KANSL3: variants seen among roughly 807,000 people sequenced by gnomAD.
The protein encoded by KANSL3 is NSL complex protein NSL3.
A neutral mutation model predicts 89.2 loss-of-function variants in KANSL3; 16 were observed. The observed-to-expected ratio is 0.18, with a 90% CI of 0.12 to 0.27. The LOEUF (loss-of-function observed/expected upper bound fraction) is 0.27, where lower values mean the gene tolerates loss of function less well. Ranked by LOEUF, KANSL3 falls within the 10% of genes least tolerant of loss-of-function variation. The probability of loss-of-function intolerance (pLI) is 1.00; values close to 1 mark genes in which losing one functional copy is unlikely to be tolerated. For synonymous variants in KANSL3, 385 were observed against 419.7 expected, an observed-to-expected ratio of 0.92 and a Z score of 1.01; for missense variants, 879 against 1,110.6, an observed-to-expected ratio of 0.79 and a Z score of 2.96.
intron 3 of KANSL3, chr2:96,627,806 G>T: frequency 1.3e-6 from 1 of 779,334 alleles, no homozygotes; most frequent in Non-Finnish European, 1.9e-6. Flanking sequence ...AGAAGGAACT[G>T]CAAGCTCCAA....
intron 1 of KANSL3, 144 bp from the exon 2 acceptor site, chr2:96,637,329 G>A (rs971236996): frequency 1.4e-5 from 7 of 494,910 alleles, no homozygotes; most frequent in Non-Finnish European, 2.1e-5. Context: ...GGGACGGTTC[G>A]TGGAATCCCA....
chr2:96,595,471 A>C lies in KANSL3; in HGVS notation c.*140T>G. ...CTAACCTAATGGTTTCTCTGAAGACAGTTGGCGGAGAGGCAAAAATGACTG... is the reference window on the plus strand; with the variant it reads ...CTAACCTAATGGTTTCTCTGAAGACCGTTGGCGGAGAGGCAAAAATGACTG... On this transcript the variant is annotated 3_prime_UTR_variant, in exon 21 of 21. Transcript: ENST00000431828. The C allele has an allele frequency of 1.4e-6, 1 of 739,416 alleles. No homozygotes were observed. Among genetic ancestry groups the C allele is most frequent in the South Asian group, 1.9e-5 (1 of 51,906 alleles). 45.8% of individuals were successfully genotyped at this position (739,416 alleles called of 1,614,324 possible).
At chr2:96,591,018 A>C (rs965769149), downstream of KANSL3, among the ~76,000 whole-genome samples, 1 of 151,638 alleles carries the variant, frequency 6.6e-6, no homozygotes, top group African/African-American at 2.4e-5. Context: ...AAAACAAAAC[A>C]AAACAAAACC....
At chr2:96,621,583 G>T (rs899351101) in intron 3 of KANSL3, among the ~76,000 whole-genome samples, 2 of 151,754 alleles carry the variant, frequency 1.3e-5, no homozygotes, top group Non-Finnish European at 2.9e-5. Flanking sequence ...AGATACTTGG[G>T]AGGCTGAGGC....
chr2:96,593,169 ATGT>A (rs1179816919), exon 21 of KANSL3: 9 of 444,412 alleles, frequency 2.0e-5, no homozygotes, highest in Non-Finnish European at 3.6e-5. Context: ...AGCAATCCAA[ATGT>A]TGTTTTTGGT....
chr2:96,620,380 T>A, intron 3 of KANSL3, among the ~76,000 whole-genome samples: 1 of 152,230 alleles, frequency 6.6e-6, no homozygotes, highest in East Asian at 1.9e-4. Context: ...CAAATTTATT[T>A]TTGAGAGGCC....
chr2:96,597,269 T>C (rs527266982), intron 20 of KANSL3, among the ~76,000 whole-genome samples: 1 of 152,296 alleles, frequency 6.6e-6, no homozygotes, highest in East Asian at 1.9e-4. Context: ...AAAAAATGGG[T>C]AGTTTGTTTC....
chr2:96,586,187 T>C, the KANSL3 span, among the ~76,000 whole-genome samples: 1 of 147,790 alleles, frequency 6.8e-6, no homozygotes, highest in Non-Finnish European at 1.5e-5. Context: ...ATCGTGCCAC[T>C]GCACTCTAGC....
At position 96,608,933 on chromosome 2, in the gene KANSL3, T is replaced by A; in HGVS notation, c.1515A>T (p.Glu505Asp). The A allele has an allele frequency of 6.4e-7, 1 of 1,569,824 alleles. No homozygotes were observed. Among genetic ancestry groups the A allele is most frequent in the South Asian group, 1.2e-5 (1 of 85,446 alleles). Residue 505 changes from glutamate (E) to aspartate (D), a missense_variant, in exon 13 of 21, where the codon GAA becomes GAT. Glu to Asp is a conservative substitution (Grantham distance 45, BLOSUM62 2). Transcript: ENST00000431828. ...CAGGTCGACTGCCCCGCTCAGGGAC[T>A]TCAAAGGCCAAGTCTCTGCGGGCCA... ...RDVARRDLAF[E>D]VPERGSRPAS...
intron 16 of KANSL3, among the ~76,000 whole-genome samples, 167 bp from the exon 17 acceptor site, chr2:96,604,547 A>C (rs2067682804): frequency 6.6e-6 from 1 of 152,228 alleles, no homozygotes; most frequent in Non-Finnish European, 1.5e-5. Flanking sequence ...CTAGTCTTCT[A>C]AAAGTCCTTA....
chr2:96,619,631 A>G, intron 4 of KANSL3, 41 bp downstream of exon 4: 1 of 1,595,982 alleles, frequency 6.3e-7, no homozygotes, highest in Non-Finnish European at 8.5e-7. Context: ...TGAGGCCTGA[A>G]CTACGAAGAG....
chr2:96,630,570 G>C (rs1389144746), intron 3 of KANSL3, among the ~76,000 whole-genome samples: 1 of 152,182 alleles, frequency 6.6e-6, no homozygotes, highest in Non-Finnish European at 1.5e-5. Flanking sequence ...TTTCTTTTTA[G>C]GATGATGAAA....
chr2:96,613,757 C>T, intron 5 of KANSL3, 138 bp from the exon 6 acceptor site: 5 of 659,528 alleles, frequency 7.6e-6, no homozygotes, highest in Non-Finnish European at 1.0e-5. Flanking sequence ...TCCTAAGGAT[C>T]AAGAATATAT....
At chr2:96,580,574 G>A in the KANSL3 span, among the ~76,000 whole-genome samples, 1 of 152,172 alleles carries the variant, frequency 6.6e-6, no homozygotes, top group African/African-American at 2.4e-5. Context: ...GGTTGTCCTG[G>A]AGCAGAAGGA....
chr2:96,592,462 C>A (rs562229428), downstream of KANSL3, among the ~76,000 whole-genome samples: 1 of 152,290 alleles, frequency 6.6e-6, no homozygotes, highest in East Asian at 1.9e-4. Flanking sequence ...GTAGGCTCAG[C>A]CAAGAGCCCC....
intron 3 of KANSL3, among the ~76,000 whole-genome samples, chr2:96,629,803 C>T (rs1040477844): frequency 1.3e-5 from 2 of 152,114 alleles, no homozygotes; most frequent in African/African-American, 4.8e-5. Context: ...AACTTTCTAC[C>T]CCTCTTTCTC....
At chr2:96,610,979 C>T in intron 10 of KANSL3, 85 bp downstream of exon 10, 1 of 1,575,482 alleles carries the variant, frequency 6.3e-7, no homozygotes, top group South Asian at 1.1e-5. Context: ...CAACTGCAGT[C>T]AGCCTCAGCA....
At chr2:96,631,243 G>T in intron 3 of KANSL3, 69 bp downstream of exon 3, 1 of 1,120,814 alleles carries the variant, frequency 8.9e-7, no homozygotes, top group Non-Finnish European at 1.3e-6. Context: ...GTCCTAATAA[G>T]TGTTATTTCA....
At chr2:96,582,524 A>G in the KANSL3 span, among the ~76,000 whole-genome samples, 21 of 152,196 alleles carry the variant, frequency 1.4e-4, no homozygotes, top group Middle Eastern at 3.4e-3. Context: ...GGCTTTTTCT[A>G]GTTTGGACTT....
Sources: gnomAD v4.1 joint callset for allele counts (sites outside exome capture counted in the v4.1 genomes callset) on GRCh38, gnomAD v4.1.1 for gene constraint, MANE v1.5 for transcripts, NCBI Gene and HGNC (gene_info 2026-07-23, HGNC 2026-07-21) for gene names.